The following MAP7 variants were observed in gnomAD, a reference collection of about 807,000 sequenced individuals.
The protein encoded by MAP7 is microtubule associated protein 7, also known as ensconsin.
Under a neutral mutation model 94.8 loss-of-function variants are expected in MAP7, and 52 were observed. The ratio of observed to expected loss-of-function variants is 0.55; its 90% confidence interval spans 0.44 to 0.69. MAP7 has a LOEUF of 0.69. Among genes scored for constraint, MAP7 ranks in the 30% least tolerant of loss-of-function variants. The pLI is 0.00. For missense variants in MAP7, 940 were observed against 964.6 expected, an observed-to-expected ratio of 0.97 and a Z score of 0.34; for synonymous variants, 350 against 357.0, an observed-to-expected ratio of 0.98 and a Z score of 0.22.
At chr6:136,501,013 T>A (rs776779077) in intron 1 of MAP7, among the ~76,000 whole-genome samples, 3 of 152,218 alleles carry the variant, frequency 2.0e-5, no homozygotes, top group Non-Finnish European at 4.4e-5. Context: ...ATTATTGTGA[T>A]TACCCTCATT....
In MAP7 at chr6:136,389,373, T is replaced by C; in HGVS notation, c.389A>G (p.Gln130Arg). 6.4e-7 allele frequency: 1 copy of C among 1,553,388 alleles called. No individual in the cohort carries two copies. The highest frequency in any genetic ancestry group is 8.6e-7 in the Non-Finnish European group (1 of 1,156,158). ...RRAAVEEKRR[Q>R]RLEEDKERHE... ...GCTCACTTTGTCCTCCTCAAGTCTC[T>C]GCCTCCGCTTCTCCTCCACAGCAGC... The change falls in exon 4 of 18, where the codon CAG becomes CGG. Residue 130 changes from glutamine to arginine, a missense_variant. Transcript: ENST00000354570.
rs971002438 is a variant in MAP7, at chr6:136,362,493, C to T, written c.1483G>A (p.Glu495Lys). 1.9e-5 allele frequency: 31 copies of T among 1,614,074 alleles called. No individual in the cohort carries two copies. Among genetic ancestry groups the T allele is most frequent in the Non-Finnish European group, 2.5e-5 (29 of 1,180,040 alleles). ...EKRRLAREQR[E>K]KEERERREQE... Reference sequence around the variant, plus strand: ...TCCCTCCTCTCCCTTTCTTCCTTTTCTCTCTGCTCTCGGGCCAGCCGCCTC... The same window carrying T: ...TCCCTCCTCTCCCTTTCTTCCTTTTTTCTCTGCTCTCGGGCCAGCCGCCTC... The change falls in exon 11 of 18, where the codon GAA (glutamate) becomes AAA (lysine). Residue 495 changes from glutamate (E) to lysine (K), a missense_variant. Glu to Lys is a moderately conservative substitution (Grantham distance 56). Transcript: ENST00000354570.
At chr6:136,493,952 CA>C (rs1457973021) in intron 1 of MAP7, among the ~76,000 whole-genome samples, 1 of 152,188 alleles carries the variant, frequency 6.6e-6, no homozygotes, top group Non-Finnish European at 1.5e-5. Flanking sequence ...ATGGGGAAGG[CA>C]CAACCTACCG....
intron 1 of MAP7, among the ~76,000 whole-genome samples, chr6:136,449,470 A>C (rs1375449834): frequency 6.6e-6 from 1 of 152,250 alleles, no homozygotes; most frequent in Non-Finnish European, 1.5e-5. Context: ...GTTAATAAAA[A>C]GGAAAGTGAT....
chr6:136,364,378 T>C lies in MAP7; in HGVS notation c.1273+1357A>G, dbSNP rs140460009. ...GGTCCTGCCCCCTCCACCAATGCTG[T>C]TCCAGCTGAGGAGAAGAAATAGAAG... On this transcript the variant is annotated intron_variant, in intron 10 of 17. Coordinates refer to ENST00000354570, the MANE Select transcript of MAP7 (RefSeq NM_003980.6). The C allele has an allele frequency of 3.9e-4, 147 of 373,334 alleles. 1 individual carries two copies. The highest frequency in any genetic ancestry group is 3.0e-3 in the African/African-American group (138 of 46,376). 23.1% of individuals were successfully genotyped at this position (373,334 alleles called of 1,614,324 possible).
Position 136,388,377 on chromosome 6 carries a change from A to C in MAP7, c.526+16T>G, listed in dbSNP as rs1397595543. 6.4e-7 allele frequency: 1 copy of C among 1,568,126 alleles called. No homozygotes were observed. The highest frequency in any genetic ancestry group is 1.1e-5 in the South Asian group (1 of 88,008). On this transcript the variant is annotated intron_variant, in intron 5 of 17. Coordinates refer to ENST00000354570, the MANE Select transcript of MAP7 (RefSeq NM_003980.6). The stretch of plus-strand genomic sequence containing the variant: ...CAGGAAAATAAAGACTAATTTTCAA[A>C]GTGGTCACTGTTTACCTGCACTGTG...
rs1426919409 is a variant in MAP7 at position 136,415,114 on chromosome 6, T to TA, written c.167-3418dup. On this transcript the variant is annotated intron_variant, in intron 2 of 17. Coordinates refer to ENST00000354570, the MANE Select transcript of MAP7 (RefSeq NM_003980.6). ...GCCACCATGCCCGATCTCGGCTAATTAAAAAAATTTTTTTTGTAGAGATGG... is the reference window on the plus strand; with the variant it reads ...GCCACCATGCCCGATCTCGGCTAATTAAAAAAAATTTTTTTTGTAGAGATGG... 3.3e-5 allele frequency among the ~76,000 whole-genome samples: 5 copies of TA among 152,010 alleles called. No homozygotes were observed. The East Asian group carries it at 9.6e-4, about 29-fold the overall frequency.
At chr6:136,375,028 T>C (rs1233796882) in intron 7 of MAP7, among the ~76,000 whole-genome samples, 7 of 152,166 alleles carry the variant, frequency 4.6e-5, no homozygotes, top group African/African-American at 1.7e-4. Context: ...CCACAATATA[T>C]GTATTTGATC....
intron 1 of MAP7, among the ~76,000 whole-genome samples, chr6:136,500,464 G>T (rs558357726): frequency 6.2e-4 from 94 of 152,206 alleles, no homozygotes; most frequent in African/African-American, 2.1e-3. Flanking sequence ...GATCTGTCTC[G>T]CTGTTGCATA....
chr6:136,490,135 A>G (rs1010889874), intron 1 of MAP7, among the ~76,000 whole-genome samples: 14 of 152,212 alleles, frequency 9.2e-5, no homozygotes, highest in African/African-American at 3.4e-4. Flanking sequence ...CCCTGTGGTT[A>G]TTATTAAGTT....
chr6:136,424,055 C>T (rs1792357586), intron 1 of MAP7, among the ~76,000 whole-genome samples: 1 of 152,022 alleles, frequency 6.6e-6, no homozygotes. Flanking sequence ...GCCTCGGCCT[C>T]CCAAAGTGCT....
intron 1 of MAP7, among the ~76,000 whole-genome samples, chr6:136,442,591 T>C (rs1255606359): frequency 6.6e-6 from 1 of 152,138 alleles, no homozygotes; most frequent in East Asian, 1.9e-4. Context: ...TAGGCTCAGC[T>C]GTGTATTTTA....
chr6:136,524,405 C>T (rs1242800085), intron 1 of MAP7, among the ~76,000 whole-genome samples: 2 of 152,218 alleles, frequency 1.3e-5, no homozygotes, highest in Admixed American at 1.3e-4. Flanking sequence ...AAGTTACCAA[C>T]TTTTCAGAGG....
At chr6:136,374,460 G>A (rs978565162) in intron 7 of MAP7, among the ~76,000 whole-genome samples, 1 of 152,156 alleles carries the variant, frequency 6.6e-6, no homozygotes, top group Non-Finnish European at 1.5e-5. Context: ...CACTGCTCAG[G>A]GCACAGCCGG....
chr6:136,488,447 T>TA (rs1207081041), intron 1 of MAP7, among the ~76,000 whole-genome samples: 1 of 115,890 alleles, frequency 8.6e-6, no homozygotes, highest in East Asian at 2.7e-4. Context: ...CTAGGTACTT[T>TA]TTTTTTTTTT....
In MAP7 at chr6:136,433,191, C is replaced by T. The variant is rs910008230; in HGVS notation, c.68-11392G>A. Reference sequence around the variant, plus strand: ...CTTTCCATTTATTCAGAACAATTTACTCTTCTGCCCCTTTCTTTTCTCATT... The same window carrying T: ...CTTTCCATTTATTCAGAACAATTTATTCTTCTGCCCCTTTCTTTTCTCATT... On this transcript the variant is annotated intron_variant, in intron 1 of 17. Coordinates refer to ENST00000354570, the MANE Select transcript of MAP7 (RefSeq NM_003980.6). Among the ~76,000 whole-genome samples, 6 of 152,182 alleles carry T rather than the reference C, an allele frequency of 3.9e-5. No individual in the cohort carries two copies. In the East Asian group the frequency reaches 9.6e-4, roughly 24 times the overall value.
intron 1 of MAP7, among the ~76,000 whole-genome samples, chr6:136,542,278 G>C (rs1829387479): frequency 6.6e-6 from 1 of 152,114 alleles, no homozygotes; most frequent in African/African-American, 2.4e-5. Flanking sequence ...TAGAGAACGA[G>C]ACAAACCCTA....
In MAP7 at chr6:136,441,851, C is replaced by T. The variant is rs560842998; in HGVS notation, c.68-20052G>A. Reference sequence around the variant, plus strand: ...ATAACACAGGGAGACCCTGTCTCTACAAAAAATAAAATTAGTTGGGCATGG... The same window carrying T: ...ATAACACAGGGAGACCCTGTCTCTATAAAAAATAAAATTAGTTGGGCATGG... On this transcript the variant is annotated intron_variant, in intron 1 of 17. Coordinates refer to ENST00000354570, the MANE Select transcript of MAP7 (RefSeq NM_003980.6). Among the ~76,000 whole-genome samples, 9 of 152,132 alleles carry T rather than the reference C, an allele frequency of 5.9e-5. No individual in the cohort carries two copies. The East Asian group carries it at 9.7e-4, about 16-fold the overall frequency.
intron 11 of MAP7, 97 bp downstream of exon 11, chr6:136,362,353 C>A: frequency 1.4e-6 from 2 of 1,460,526 alleles, no homozygotes; most frequent in Non-Finnish European, 1.9e-6. Context: ...AATCCATTCA[C>A]TTTCATCAGT....
Sources: allele counts gnomAD v4.1 joint callset (sites outside exome capture counted in the v4.1 genomes callset), GRCh38; gene constraint gnomAD v4.1.1; transcripts MANE v1.5; gene names NCBI Gene and HGNC (gene_info 2026-07-23, HGNC 2026-07-21).